CES5A: variants seen among roughly 807,000 people sequenced by gnomAD.
The protein encoded by CES5A is carboxylesterase 5.
Under a neutral mutation model 62.9 loss-of-function variants are expected in CES5A, and 67 were observed. That is an observed-to-expected ratio of 1.07 (90% CI 0.88 to 1.31). The LOEUF (loss-of-function observed/expected upper bound fraction) is 1.31, where lower values mean the gene tolerates loss of function less well. Ranked by LOEUF, CES5A falls within the 50% of genes most tolerant of loss-of-function variation. The pLI is 0.00. For missense variants in CES5A, 748 were observed against 708.5 expected, an observed-to-expected ratio of 1.06 and a Z score of -0.63; for synonymous variants, 296 against 280.8, an observed-to-expected ratio of 1.05 and a Z score of -0.54.
chr16:55,885,996 C>A (rs906001267), intron 1 of CES5A, among the ~76,000 whole-genome samples: 2 of 152,216 alleles, frequency 1.3e-5, no homozygotes, highest in African/African-American at 2.4e-5. Context: ...CCCTCTACTG[C>A]ACCAATGCTT....
In CES5A at chr16:55,846,830, C is replaced by A. The variant is rs1405692219; in HGVS notation, c.1434G>T (p.Thr478=). Residue 478 remains threonine, a synonymous_variant, in exon 12 of 13, where the codon ACG becomes ACT. Transcript: ENST00000290567. ...KGDIVMFEGA[T]EEEKLLSRKM... ...TCCGGCTCAGTAACTTCTCCTCCTC[C>A]GTGGCTCCTTCTGAAGGAGATAATC... 6.2e-7 allele frequency: 1 copy of A among 1,614,058 alleles called. No individual in the cohort carries two copies. The highest frequency in any genetic ancestry group is 8.5e-7 in the Non-Finnish European group (1 of 1,179,966).
At chr16:55,912,680 T>C (rs2034107006) in intron 1 of CES5A, among the ~76,000 whole-genome samples, 1 of 151,938 alleles carries the variant, frequency 6.6e-6, no homozygotes. Context: ...GGGAAGTAAA[T>C]GTGTAGTGTT....
In CES5A at chr16:55,846,251, G is replaced by C. The variant is rs2033002292; in HGVS notation, c.*200C>G. On this transcript the variant is annotated 3_prime_UTR_variant, in exon 13 of 13. Coordinates refer to ENST00000290567, the MANE Select transcript of CES5A (RefSeq NM_001143685.2). ...CTTCCAAATTTATTGAAGAAATCTT[G>C]TTGCCTTCCAAGACAAATTGCACTT... is the stretch of plus-strand genomic sequence containing the variant. The C allele has an allele frequency of 1.7e-6, 1 of 591,340 alleles. No homozygotes were observed. 36.6% of individuals were successfully genotyped at this position (591,340 alleles called of 1,614,324 possible). A position where few individuals can be genotyped will look rare whatever the true frequency, so the allele number is the denominator to read the frequency against.
upstream of CES5A, among the ~76,000 whole-genome samples, chr16:55,929,709 GATTGT>G (rs1308437397): frequency 6.6e-6 from 1 of 152,238 alleles, no homozygotes; most frequent in Non-Finnish European, 1.5e-5. Context: ...ACAGGGCATA[GATTGT>G]ATTGAAGAAA....
intron 1 of CES5A, among the ~76,000 whole-genome samples, chr16:55,882,398 T>C (rs2033771233): frequency 6.6e-6 from 1 of 152,152 alleles, no homozygotes; most frequent in Non-Finnish European, 1.5e-5. Context: ...GGCATGGCCT[T>C]ACACCAGAAT....
chr16:55,863,911 C>T (rs2142400914), intron 5 of CES5A, among the ~76,000 whole-genome samples: 1 of 152,120 alleles, frequency 6.6e-6, no homozygotes, highest in East Asian at 1.9e-4. Flanking sequence ...TGCGCACCAC[C>T]ACGCCCAGCT....
rs74019328 is a variant in CES5A, at chr16:55,915,223, C to T, written c.-256+10100G>A. On this transcript the variant is annotated intron_variant, in intron 1 of 12. Coordinates refer to the CES5A transcript ENST00000518005. Reference sequence around the variant, plus strand: ...ATTCACACTGGGGCTTAAATGTCAGCCCCAATGAATTACATTTTAATCTGT... The same window carrying T: ...ATTCACACTGGGGCTTAAATGTCAGTCCCAATGAATTACATTTTAATCTGT... 8.3e-3 allele frequency among the ~76,000 whole-genome samples: 1,261 copies of T among 152,226 alleles called. 15 individuals are homozygous for T. Among genetic ancestry groups the T allele is most frequent in the African/African-American group, 0.028 (1,146 of 41,542 alleles).
Position 55,871,528 on chromosome 16 carries a change from G to A in CES5A, c.417+97C>T, listed in dbSNP as rs1461570665. The A allele has an allele frequency of 2.0e-5, 27 of 1,366,636 alleles. No individual in the cohort carries two copies. The South Asian group carries it at 3.0e-4, about 15-fold the overall frequency. The allele number at this position is 1,366,636 out of a possible 1,614,324, so 84.7% of individuals were successfully genotyped here. A position where few individuals can be genotyped will look rare whatever the true frequency, so the allele number is the denominator to read the frequency against. On this transcript the variant is annotated intron_variant, in intron 3 of 12. Transcript: ENST00000290567. The stretch of plus-strand genomic sequence containing the variant: ...GATTACATTTCCCTTTTACCCAACA[G>A]GGGGTAGTTCCAATTCCAGACATGT...
chr16:55,943,842 C>A lies in CES5A; in HGVS notation c.160+5943G>T, dbSNP rs116650541. ...ATGTCAGCCTAGTCATTCTCCCTCT[C>A]TGAGACTCAGTTTCCCCATCTTTCA... On this transcript the variant is annotated intron_variant, in intron 2 of 13. Transcript: ENST00000521992. Among the ~76,000 whole-genome samples the A allele has an allele frequency of 6.5e-3, 984 of 152,310 alleles. 9 individuals carry two copies. Among genetic ancestry groups the A allele is most frequent in the African/African-American group, 0.022 (907 of 41,578 alleles).
chr16:55,898,366 T>C (rs2033955200), intron 1 of CES5A, among the ~76,000 whole-genome samples: 1 of 152,180 alleles, frequency 6.6e-6, no homozygotes. Context: ...TTTCATAATT[T>C]TCTGCATTGT....
chr16:55,864,359 C>T (rs2033414229), intron 5 of CES5A, among the ~76,000 whole-genome samples: 1 of 152,186 alleles, frequency 6.6e-6, no homozygotes, highest in African/African-American at 2.4e-5. Context: ...CCAACTGATG[C>T]CAAGGAAATG....
intron 2 of CES5A, among the ~76,000 whole-genome samples, chr16:55,946,908 G>A (rs2034501365): frequency 6.6e-6 from 1 of 152,174 alleles, no homozygotes; most frequent in Non-Finnish European, 1.5e-5. Flanking sequence ...AGCCCAAGAG[G>A]ACAAGCTCAC....
At chr16:55,848,525 T>C (rs78839167) in intron 11 of CES5A, among the ~76,000 whole-genome samples, 4,507 of 152,222 alleles carry the variant, frequency 0.03, 213 homozygotes, top group African/African-American at 0.099. Flanking sequence ...TCAACCTTGA[T>C]TGATGAAAAA....
intron 2 of CES5A, among the ~76,000 whole-genome samples, chr16:55,932,604 C>A (rs1342578050): frequency 5.3e-5 from 8 of 151,838 alleles, no homozygotes; most frequent in Admixed American, 3.3e-4. Context: ...ATCAGGGAGT[C>A]CTCTCTGAGA....
At chr16:55,950,353 A>G (rs1214471298) in intron 1 of CES5A, among the ~76,000 whole-genome samples, 3 of 152,360 alleles carry the variant, frequency 2.0e-5, no homozygotes, top group South Asian at 4.1e-4. Context: ...GAATAGAATC[A>G]ATAAGAAAAT....
At chr16:55,946,444 G>A (rs1156734749) in intron 2 of CES5A, among the ~76,000 whole-genome samples, 1 of 152,148 alleles carries the variant, frequency 6.6e-6, no homozygotes, top group Non-Finnish European at 1.5e-5. Flanking sequence ...GTCGATCCTT[G>A]TTCTTCCTGT....
At chr16:55,953,228 G>A (rs895385091) in intron 1 of CES5A, among the ~76,000 whole-genome samples, 23 of 152,098 alleles carry the variant, frequency 1.5e-4, no homozygotes, top group Non-Finnish European at 3.1e-4. Context: ...AGTGTACATC[G>A]TAGTTATGGT....
At chr16:55,850,426 T>C (rs1417926124) in intron 10 of CES5A, among the ~76,000 whole-genome samples, 1 of 152,210 alleles carries the variant, frequency 6.6e-6, no homozygotes, top group Non-Finnish European at 1.5e-5. Context: ...CTACTTTCTG[T>C]GTCTATGGCT....
chr16:55,859,525 T>C lies in CES5A; in HGVS notation c.1056+22A>G, dbSNP rs776773293. ...GCATCACGGTTTGAGGGAGTGGCAG[T>C]ATGGACAGCCAGAATTCTTACCATA... On this transcript the variant is annotated intron_variant, in intron 8 of 12. Transcript: ENST00000290567. 2.5e-6 allele frequency: 4 copies of C among 1,607,772 alleles called. No individual in the cohort carries two copies. The Admixed American group carries it at 6.8e-5, about 27-fold the overall frequency.
Sources: gnomAD v4.1 joint callset for allele counts (sites outside exome capture counted in the v4.1 genomes callset) on GRCh38, gnomAD v4.1.1 for gene constraint, MANE v1.5 for transcripts, NCBI Gene and HGNC (gene_info 2026-07-23, HGNC 2026-07-21) for gene names.